The following RPS6KC1 variants were observed in gnomAD, a reference collection of about 807,000 sequenced individuals.
RPS6KC1 encodes the protein ribosomal protein S6 kinase C1, also known as inactive ribosomal protein S6 kinase delta-1.
A neutral mutation model predicts 103.8 loss-of-function variants in RPS6KC1; 54 were observed. That is an observed-to-expected ratio of 0.52 (90% CI 0.42 to 0.65). The LOEUF (loss-of-function observed/expected upper bound fraction) is 0.65. RPS6KC1 is among the 30% of genes least tolerant of loss of function. The pLI is 0.00. For missense variants in RPS6KC1, 1,151 were observed against 1,253.8 expected, an observed-to-expected ratio of 0.92 and a Z score of 1.24; for synonymous variants, 439 against 438.7, an observed-to-expected ratio of 1.00 and a Z score of -0.01.
At chr1:213,784,405 C>T in the RPS6KC1 span, among the ~76,000 whole-genome samples, 9 of 152,226 alleles carry the variant, frequency 5.9e-5, no homozygotes, top group Admixed American at 3.9e-4. Flanking sequence ...GATTTGGTTT[C>T]TCCCAAGAAC....
chr1:213,346,218 A>G, the RPS6KC1 span, among the ~76,000 whole-genome samples: 1 of 152,170 alleles, frequency 6.6e-6, no homozygotes, highest in Non-Finnish European at 1.5e-5. Context: ...AAGAGGACTG[A>G]TGTATTATAA....
At chr1:213,089,974 A>G (rs1049168231) in intron 3 of RPS6KC1, among the ~76,000 whole-genome samples, 6 of 152,232 alleles carry the variant, frequency 3.9e-5, no homozygotes, top group African/African-American at 1.2e-4. Context: ...TCAATTATCT[A>G]GAAATTTTAT....
chr1:213,469,345 T>G, the RPS6KC1 span, among the ~76,000 whole-genome samples: 4 of 152,232 alleles, frequency 2.6e-5, no homozygotes, highest in African/African-American at 9.6e-5. Flanking sequence ...CTACTGATTT[T>G]AAGGATTTTT....
the RPS6KC1 span, among the ~76,000 whole-genome samples, chr1:213,302,833 C>T: frequency 6.6e-6 from 1 of 152,118 alleles, no homozygotes; most frequent in African/African-American, 2.4e-5. Context: ...TATTCAGGAG[C>T]TTATTTTTGT....
the RPS6KC1 span, among the ~76,000 whole-genome samples, chr1:213,379,216 A>G: frequency 6.6e-6 from 1 of 152,150 alleles, no homozygotes; most frequent in South Asian, 2.1e-4. Context: ...GTCTCTCCCA[A>G]ATTCATATGA....
chr1:213,074,700 A>C (rs2079151538), intron 2 of RPS6KC1, among the ~76,000 whole-genome samples: 1 of 152,062 alleles, frequency 6.6e-6, no homozygotes, highest in Non-Finnish European at 1.5e-5. Context: ...ACAGATTCTC[A>C]CCTGGGGGGT....
rs2093899242 is a variant in RPS6KC1 at position 213,223,949 on chromosome 1, G to A, written c.1045-6548G>A. ...TCTTTTAAAAGGAATTGGAGCTGAA[G>A]TTATTTTCAGGGACTTCCAGACTTC... is the stretch of plus-strand genomic sequence containing the variant. On this transcript the variant is annotated intron_variant, in intron 8 of 14. Transcript: ENST00000366960. Among the ~76,000 whole-genome samples, 3 of 152,264 alleles carry A rather than the reference G, an allele frequency of 2.0e-5. No homozygotes were observed. In the South Asian group the frequency reaches 6.2e-4, roughly 32 times the overall value.
chr1:213,621,996 C>G, the RPS6KC1 span, among the ~76,000 whole-genome samples: 1 of 152,120 alleles, frequency 6.6e-6, no homozygotes, highest in Non-Finnish European at 1.5e-5. Flanking sequence ...CTTCCTCTGC[C>G]CCTCCAAGCC....
chr1:213,626,271 G>A, the RPS6KC1 span, among the ~76,000 whole-genome samples: 1 of 152,042 alleles, frequency 6.6e-6, no homozygotes, highest in Admixed American at 6.6e-5. Flanking sequence ...ACTTTTTGAT[G>A]GGGTTGTTTT....
At chr1:213,640,530 AT>A in the RPS6KC1 span, among the ~76,000 whole-genome samples, 1 of 151,468 alleles carries the variant, frequency 6.6e-6, no homozygotes, top group East Asian at 1.9e-4. Flanking sequence ...CTAATACCAT[AT>A]AGGCATTGTA....
intron 10 of RPS6KC1, among the ~76,000 whole-genome samples, chr1:213,237,791 T>C (rs1366859792): frequency 6.6e-6 from 1 of 152,100 alleles, no homozygotes; most frequent in Non-Finnish European, 1.5e-5. Flanking sequence ...ATATCTACAA[T>C]TTTATGTGCT....
the RPS6KC1 span, among the ~76,000 whole-genome samples, chr1:213,361,434 G>A: frequency 2.0e-5 from 3 of 152,228 alleles, no homozygotes; most frequent in Non-Finnish European, 4.4e-5. Context: ...TGAGCGACCC[G>A]ATTTTCCAGG....
intron 6 of RPS6KC1, among the ~76,000 whole-genome samples, chr1:213,132,124 T>C (rs1296171294): frequency 6.6e-6 from 1 of 152,230 alleles, no homozygotes; most frequent in Non-Finnish European, 1.5e-5. Context: ...CTTTGCTGAT[T>C]ATGGTGGTGA....
chr1:213,586,420 C>T, the RPS6KC1 span, among the ~76,000 whole-genome samples: 3 of 152,164 alleles, frequency 2.0e-5, no homozygotes, highest in African/African-American at 7.2e-5. Context: ...GTCAGCAGGT[C>T]AGGGAAGTTT....
At chr1:213,593,792 C>T in the RPS6KC1 span, among the ~76,000 whole-genome samples, 6,924 of 152,088 alleles carry the variant, frequency 0.046, 195 homozygotes, top group Non-Finnish European at 0.071. Context: ...CTGCATGCCC[C>T]GATACAATGG....
chr1:213,805,752 G>A, the RPS6KC1 span, among the ~76,000 whole-genome samples: 7 of 152,298 alleles, frequency 4.6e-5, 1 homozygote, highest in Middle Eastern at 3.4e-3. Flanking sequence ...ATCTAGAATG[G>A]TTATTTCCAG....
chr1:213,075,667 T>A (rs1206371377), intron 2 of RPS6KC1, among the ~76,000 whole-genome samples: 1 of 152,242 alleles, frequency 6.6e-6, no homozygotes, highest in African/African-American at 2.4e-5. Flanking sequence ...CACCATTCTG[T>A]AGCAAAACTT....
At chr1:213,534,957 A>G in the RPS6KC1 span, among the ~76,000 whole-genome samples, 1 of 152,184 alleles carries the variant, frequency 6.6e-6, no homozygotes, top group African/African-American at 2.4e-5. Flanking sequence ...CCTACGATTA[A>G]GTTCGCACTG....
At chr1:213,323,119 C>CT in the RPS6KC1 span, among the ~76,000 whole-genome samples, 1 of 151,902 alleles carries the variant, frequency 6.6e-6, no homozygotes, top group African/African-American at 2.4e-5. Flanking sequence ...TTCTCTTTCT[C>CT]TGAGTTCTGC....
Sources: allele counts gnomAD v4.1 joint callset (sites outside exome capture counted in the v4.1 genomes callset), GRCh38; gene constraint gnomAD v4.1.1; transcripts MANE v1.5; gene names NCBI Gene and HGNC (gene_info 2026-07-23, HGNC 2026-07-21).